SDHAF1: variants seen among roughly 807,000 people sequenced by gnomAD.
The protein encoded by SDHAF1 is succinate dehydrogenase complex assembly factor 1, also known as succinate dehydrogenase assembly factor 1, mitochondrial.
For missense variants in SDHAF1, 198 were observed against 179.0 expected (o/e 1.11, Z -0.61); for synonymous variants, 81 against 85.8 (o/e 0.94, Z 0.31).
In SDHAF1 at chr19:35,995,492, G is replaced by A. The variant is rs1976656337; in HGVS notation, c.218G>A (p.Gly73Asp). 1.9e-6 allele frequency: 3 copies of A among 1,545,468 alleles called. No homozygotes were observed. Among genetic ancestry groups the A allele is most frequent in the Non-Finnish European group, 1.7e-6 (2 of 1,152,710 alleles). The change falls in exon 1 of 1, where the codon GGC becomes GAC. Residue 73 changes from glycine (G) to aspartate (D), a missense_variant. By Grantham distance (94) the Gly-to-Asp change is moderately conservative (BLOSUM62 -1). Transcript: ENST00000378887. ...CGCTCGGGCCACGCCACCGCCATGGGCGCCTTCGTACGCCCGCGGGCCCCG... is the reference window on the plus strand; with the variant it reads ...CGCTCGGGCCACGCCACCGCCATGGACGCCTTCGTACGCCCGCGGGCCCCG... ...LLRSGHATAM[G>D]AFVRPRAPTG...
Position 35,995,305 on chromosome 19 carries a change from G to A in SDHAF1, c.31G>A (p.Val11Ile). Reference sequence around the variant, plus strand: ...CCGGCACAGCCGGCTGCAGAGGCAGGTTCTGAGCCTGTACCGCGATCTGCT... The same window carrying A: ...CCGGCACAGCCGGCTGCAGAGGCAGATTCTGAGCCTGTACCGCGATCTGCT... MSRHSRLQRQ[V>I]LSLYRDLLRA... The change falls in exon 1 of 1, where the codon GTT (valine) becomes ATT (isoleucine). Residue 11 changes from valine (V) to isoleucine (I), a missense_variant. Val to Ile is a conservative substitution (Grantham distance 29). Coordinates refer to ENST00000378887, the MANE Select transcript of SDHAF1 (RefSeq NM_001042631.3). 5 of 1,546,250 alleles carry A rather than the reference G, an allele frequency of 3.2e-6. No homozygotes were observed. The highest frequency in any genetic ancestry group is 2.4e-5 in the East Asian group (1 of 42,184).
In SDHAF1 at chr19:35,996,304, A is replaced by G. The variant is rs554739627; in HGVS notation, c.*682A>G. ...TTGGACAAAGGGAATAAAATTGGGG[A>G]TATGTCTACTTCCCTGTTGGTGGTC... On this transcript the variant is annotated 3_prime_UTR_variant, in exon 1 of 1. Transcript: ENST00000378887. 1 of 166,712 alleles carries G rather than the reference A, an allele frequency of 6.0e-6. No homozygotes were observed. The highest frequency in any genetic ancestry group is 2.4e-5 in the African/African-American group (1 of 41,404). 10.3% of individuals were successfully genotyped at this position (166,712 alleles called of 1,614,324 possible).
At position 35,995,627 on chromosome 19, in the gene SDHAF1, C is replaced by G. The variant is rs1234271175; in HGVS notation, c.*5C>G. The G allele has an allele frequency of 6.5e-7, 1 of 1,544,396 alleles. No homozygotes were observed. The highest frequency in any genetic ancestry group is 2.0e-5 in the Admixed American group (1 of 51,028). ...ACCCGCCCCGACGGACGGTGACAGG[C>G]GAAGAGCCGAACTCGCTCGATGGCG... On this transcript the variant is annotated 3_prime_UTR_variant, in exon 1 of 1. Transcript: ENST00000378887.
rs766369477 is a variant in SDHAF1 at position 35,995,469 on chromosome 19, C to A, written c.195C>A (p.Arg65=). 1.3e-6 allele frequency: 2 copies of A among 1,559,502 alleles called. No individual in the cohort carries two copies. The highest frequency in any genetic ancestry group is 1.7e-6 in the Non-Finnish European group (2 of 1,159,952). The change falls in exon 1 of 1, where the codon CGC becomes CGA. Residue 65 remains arginine (R), a synonymous_variant. Coordinates refer to ENST00000378887, the MANE Select transcript of SDHAF1 (RefSeq NM_001042631.3). Reference sequence around the variant, plus strand: ...GGCGGCGCCAGCTGCAGCTGCTACGCTCGGGCCACGCCACCGCCATGGGCG... The same window carrying A: ...GGCGGCGCCAGCTGCAGCTGCTACGATCGGGCCACGCCACCGCCATGGGCG... ...RRGRRQLQLL[R]SGHATAMGAF... is the part of the protein sequence containing the mutation.
chr19:35,995,588 C>A lies in SDHAF1; in HGVS notation c.314C>A (p.Thr105Lys). ...GDSPRNPHDS[T>K]GAPETRPDGR ...AGTCCAAGGAACCCCCACGACAGCA[C>A]GGGGGCACCGGAGACCCGCCCCGAC... Residue 105 changes from threonine (T) to lysine (K), a missense_variant, in exon 1 of 1, where the codon ACG becomes AAG. By Grantham distance (78) the Thr-to-Lys change is moderately conservative (BLOSUM62 -1). Coordinates refer to ENST00000378887, the MANE Select transcript of SDHAF1 (RefSeq NM_001042631.3). The A allele has an allele frequency of 6.5e-7, 1 of 1,546,354 alleles. No individual in the cohort carries two copies. Among genetic ancestry groups the A allele is most frequent in the Non-Finnish European group, 8.7e-7 (1 of 1,147,026 alleles).
In SDHAF1 at chr19:35,995,458, C is replaced by T; in HGVS notation, c.184C>T (p.Gln62Ter). 1 of 1,564,332 alleles carries T rather than the reference C, an allele frequency of 6.4e-7. No homozygotes were observed. The highest frequency in any genetic ancestry group is 8.6e-7 in the Non-Finnish European group (1 of 1,162,848). ...GTACCGCCGCGGGCGGCGCCAGCTG[C>T]AGCTGCTACGCTCGGGCCACGCCAC... ...YLYRRGRRQL[Q>*]LLRSGHATAM... Residue 62 changes from glutamine to a stop codon, truncating the protein, a stop_gained, in exon 1 of 1, where the codon CAG (glutamine) becomes TAG (stop). Coordinates refer to ENST00000378887, the MANE Select transcript of SDHAF1 (RefSeq NM_001042631.3). LOFTEE classifies it low-confidence loss of function (END_TRUNC).
chr19:35,995,533 G>C lies in SDHAF1; in HGVS notation c.259G>C (p.Gly87Arg). 1.3e-6 allele frequency: 2 copies of C among 1,533,582 alleles called. No individual in the cohort carries two copies. The highest frequency in any genetic ancestry group is 1.7e-6 in the Non-Finnish European group (2 of 1,144,908). 95.0% of individuals were successfully genotyped at this position (1,533,582 alleles called of 1,614,324 possible). ...RPRAPTGEPGGVGCQPDDGDS... is the reference protein window; with the variant it reads ...RPRAPTGEPGRVGCQPDDGDS... ...GCGGGCCCCGACCGGGGAGCCTGGC[G>C]GCGTGGGTTGCCAGCCTGACGACGG... Residue 87 changes from glycine to arginine, a missense_variant, in exon 1 of 1, where the codon GGC becomes CGC. Gly to Arg is a moderately radical substitution (Grantham distance 125, BLOSUM62 -2). Coordinates refer to ENST00000378887, the MANE Select transcript of SDHAF1 (RefSeq NM_001042631.3).
Position 35,995,680 on chromosome 19 carries a change from G to C in SDHAF1, c.*58G>C. On this transcript the variant is annotated 3_prime_UTR_variant, in exon 1 of 1. Coordinates refer to ENST00000378887, the MANE Select transcript of SDHAF1 (RefSeq NM_001042631.3). ...GTGGAGCCAGGAGGCTCGCCTGACTGCATGGGGGGACTGGGGAACCCGCCT... is the reference window on the plus strand; with the variant it reads ...GTGGAGCCAGGAGGCTCGCCTGACTCCATGGGGGGACTGGGGAACCCGCCT... 1 of 1,351,076 alleles carries C rather than the reference G, an allele frequency of 7.4e-7. No individual in the cohort carries two copies. Among genetic ancestry groups the C allele is most frequent in the Non-Finnish European group, 1.0e-6 (1 of 966,466 alleles). The allele number at this position is 1,351,076 out of a possible 1,614,324, so 83.7% of individuals were successfully genotyped here.
chr19:35,995,995 A>T lies in SDHAF1; in HGVS notation c.*373A>T. ...GACGCCCTTCTCTTGACCCCTGAGA[A>T]CATACCCACTTCTGGCTCCTCAAGG... is the stretch of plus-strand genomic sequence containing the variant. On this transcript the variant is annotated 3_prime_UTR_variant, in exon 1 of 1. Coordinates refer to ENST00000378887, the MANE Select transcript of SDHAF1 (RefSeq NM_001042631.3). 1.8e-5 allele frequency: 5 copies of T among 277,812 alleles called. No homozygotes were observed. Among genetic ancestry groups the T allele is most frequent in the South Asian group, 5.6e-5 (1 of 17,724 alleles). The allele number at this position is 277,812 out of a possible 1,614,324, so 17.2% of individuals were successfully genotyped here.
Position 35,995,286 on chromosome 19 carries a change from C to T in SDHAF1, c.12C>T (p.His4=). 2 of 1,539,504 alleles carry T rather than the reference C, an allele frequency of 1.3e-6. No homozygotes were observed. Among genetic ancestry groups the T allele is most frequent in the Non-Finnish European group, 1.7e-6 (2 of 1,148,604 alleles). MSR[H]SRLQRQVLSL... ...GCTTAGCCGCGGTCATGAGCCGGCA[C>T]AGCCGGCTGCAGAGGCAGGTTCTGA... Residue 4 remains histidine, a synonymous_variant, in exon 1 of 1, where the codon CAC becomes CAT. Coordinates refer to ENST00000378887, the MANE Select transcript of SDHAF1 (RefSeq NM_001042631.3).
chr19:35,995,309 T>C lies in SDHAF1; in HGVS notation c.35T>C (p.Leu12Pro). 6.5e-7 allele frequency: 1 copy of C among 1,546,786 alleles called. No individual in the cohort carries two copies. The highest frequency in any genetic ancestry group is 1.4e-5 in the African/African-American group (1 of 73,804). The change falls in exon 1 of 1, where the codon CTG (leucine) becomes CCG (proline). Residue 12 changes from leucine (L) to proline (P), a missense_variant. Leu to Pro is a moderately conservative substitution (Grantham distance 98). Transcript: ENST00000378887. Reference protein sequence around the residue: ...SRHSRLQRQVLSLYRDLLRAG... With the variant: ...SRHSRLQRQVPSLYRDLLRAG... The stretch of plus-strand genomic sequence containing the variant: ...CACAGCCGGCTGCAGAGGCAGGTTC[T>C]GAGCCTGTACCGCGATCTGCTGCGC...
chr19:35,995,481 C>T lies in SDHAF1; in HGVS notation c.207C>T (p.Ala69=). 1 of 1,552,552 alleles carries T rather than the reference C, an allele frequency of 6.4e-7. No individual in the cohort carries two copies. The highest frequency in any genetic ancestry group is 8.6e-7 in the Non-Finnish European group (1 of 1,156,112). Residue 69 remains alanine (A), a synonymous_variant, in exon 1 of 1, where the codon GCC becomes GCT. Transcript: ENST00000378887. ...RQLQLLRSGH[A]TAMGAFVRPR... Reference sequence around the variant, plus strand: ...TGCAGCTGCTACGCTCGGGCCACGCCACCGCCATGGGCGCCTTCGTACGCC... The same window carrying T: ...TGCAGCTGCTACGCTCGGGCCACGCTACCGCCATGGGCGCCTTCGTACGCC...
At position 35,995,438 on chromosome 19, in the gene SDHAF1, G is replaced by A. The variant is rs137853193; in HGVS notation, c.164G>A (p.Arg55His). The A allele has an allele frequency of 1.3e-6, 2 of 1,567,702 alleles. No homozygotes were observed. Among genetic ancestry groups the A allele is most frequent in the South Asian group, 1.1e-5 (1 of 88,048 alleles). ...SDVLRIEYLY[R>H]RGRRQLQLLR... ...GTGCTGCGCATCGAGTACCTGTACC[G>A]CCGCGGGCGGCGCCAGCTGCAGCTG... is the stretch of plus-strand genomic sequence containing the variant. Residue 55 changes from arginine (R) to histidine (H), a missense_variant, in exon 1 of 1, where the codon CGC (arginine) becomes CAC (histidine). Coordinates refer to ENST00000378887, the MANE Select transcript of SDHAF1 (RefSeq NM_001042631.3).
At position 35,995,448 on chromosome 19, in the gene SDHAF1, G is replaced by A; in HGVS notation, c.174G>A (p.Arg58=). ...LRIEYLYRRG[R]RQLQLLRSGH... Reference sequence around the variant, plus strand: ...TCGAGTACCTGTACCGCCGCGGGCGGCGCCAGCTGCAGCTGCTACGCTCGG... The same window carrying A: ...TCGAGTACCTGTACCGCCGCGGGCGACGCCAGCTGCAGCTGCTACGCTCGG... Residue 58 remains arginine, a synonymous_variant, in exon 1 of 1, where the codon CGG becomes CGA. Transcript: ENST00000378887. The A allele has an allele frequency of 6.4e-7, 1 of 1,566,062 alleles. No homozygotes were observed. The highest frequency in any genetic ancestry group is 1.1e-5 in the South Asian group (1 of 87,830).
In SDHAF1 at chr19:35,995,681, C is replaced by A; in HGVS notation, c.*59C>A. ...TGGAGCCAGGAGGCTCGCCTGACTGCATGGGGGGACTGGGGAACCCGCCTA... is the reference window on the plus strand; with the variant it reads ...TGGAGCCAGGAGGCTCGCCTGACTGAATGGGGGGACTGGGGAACCCGCCTA... On this transcript the variant is annotated 3_prime_UTR_variant, in exon 1 of 1. Transcript: ENST00000378887. 1 of 1,342,858 alleles carries A rather than the reference C, an allele frequency of 7.4e-7. No homozygotes were observed. Among genetic ancestry groups the A allele is most frequent in the African/African-American group, 1.5e-5 (1 of 68,836 alleles). 83.2% of individuals were successfully genotyped at this position (1,342,858 alleles called of 1,614,324 possible). A position where few individuals can be genotyped will look rare whatever the true frequency, so the allele number is the denominator to read the frequency against.
At position 35,996,244 on chromosome 19, in the gene SDHAF1, A is replaced by G. The variant is rs7925; in HGVS notation, c.*622A>G. The G allele has an allele frequency of 0.14, 22,731 of 166,988 alleles. 1,777 individuals are homozygous for G. Among genetic ancestry groups the G allele is most frequent in the Middle Eastern group, 0.27 (81 of 296 alleles). The allele number at this position is 166,988 out of a possible 1,614,324, so 10.3% of individuals were successfully genotyped here. On this transcript the variant is annotated 3_prime_UTR_variant, in exon 1 of 1. Coordinates refer to ENST00000378887, the MANE Select transcript of SDHAF1 (RefSeq NM_001042631.3). ...CCCCTACTTGATGGTTTTGAGGGGC[A>G]ACATTGACTCATTTGCCCCTTCCCT...
At position 35,995,463 on chromosome 19, in the gene SDHAF1, G is replaced by A; in HGVS notation, c.189G>A (p.Leu63=). The change falls in exon 1 of 1, where the codon CTG becomes CTA. Residue 63 remains leucine, a synonymous_variant. Transcript: ENST00000378887. The part of the protein sequence containing the change: ...LYRRGRRQLQ[L]LRSGHATAMG... ...GCCGCGGGCGGCGCCAGCTGCAGCT[G>A]CTACGCTCGGGCCACGCCACCGCCA... 1.3e-6 allele frequency: 2 copies of A among 1,562,062 alleles called. No homozygotes were observed. Among genetic ancestry groups the A allele is most frequent in the Non-Finnish European group, 8.6e-7 (1 of 1,161,502 alleles).
At position 35,995,216 on chromosome 19, in the gene SDHAF1, T is replaced by C; in HGVS notation, c.-59T>C. On this transcript the variant is annotated 5_prime_UTR_variant, in exon 1 of 1. Transcript: ENST00000378887. ...GCTTTGCCCTTTGGCCTTTGCTGGC[T>C]GTGTGGCGGCTCCGCGGTTCGCAGG... The C allele has an allele frequency of 7.9e-7, 1 of 1,273,402 alleles. No individual in the cohort carries two copies. The highest frequency in any genetic ancestry group is 1.3e-5 in the South Asian group (1 of 76,616). The allele number at this position is 1,273,402 out of a possible 1,614,324, so 78.9% of individuals were successfully genotyped here. A position where few individuals can be genotyped will look rare whatever the true frequency, so the allele number is the denominator to read the frequency against.
At position 35,995,787 on chromosome 19, in the gene SDHAF1, GC is replaced by G. The variant is rs1976661844; in HGVS notation, c.*169del. 1 of 615,958 alleles carries G rather than the reference GC, an allele frequency of 1.6e-6. No homozygotes were observed. Among genetic ancestry groups the G allele is most frequent in the African/African-American group, 1.9e-5 (1 of 51,400 alleles). 38.2% of individuals were successfully genotyped at this position (615,958 alleles called of 1,614,324 possible). On this transcript the variant is annotated 3_prime_UTR_variant, in exon 1 of 1. Coordinates refer to ENST00000378887, the MANE Select transcript of SDHAF1 (RefSeq NM_001042631.3). ...CTTGGCGACGCAGGGGGCCTAGAGA[GC>G]CCCGTGATGGACGGCAAGGGAGGCC...
Sources: allele counts gnomAD v4.1 joint callset, GRCh38; gene constraint gnomAD v4.1.1; transcripts MANE v1.5; gene names NCBI Gene and HGNC (gene_info 2026-07-23, HGNC 2026-07-21).